Variants in TMEM178B observed in about 807,000 individuals in gnomAD.
The protein encoded by TMEM178B is transmembrane protein 178B.
A neutral mutation model predicts 31.0 loss-of-function variants in TMEM178B; 5 were observed. The ratio of observed to expected loss-of-function variants is 0.16; its 90% confidence interval spans 0.08 to 0.34. The LOEUF is 0.34. Ranked by LOEUF, TMEM178B falls within the 10% of genes least tolerant of loss-of-function variation. The probability of loss-of-function intolerance (pLI) is 1.00; values close to 1 mark genes in which losing one functional copy is unlikely to be tolerated. For missense variants in TMEM178B, 275 were observed against 400.3 expected (o/e 0.69, Z 2.67); for synonymous variants, 164 against 164.0 (o/e 1.00, Z 0.00).
chr7:141,294,101 T>C (rs924580202), intron 2 of TMEM178B, among the ~76,000 whole-genome samples: 1 of 152,132 alleles, frequency 6.6e-6, no homozygotes, highest in African/African-American at 2.4e-5. Context: ...TGGTAAGGGA[T>C]GTTGGGCCAG....
chr7:141,083,094 A>G (rs936516702), intron 1 of TMEM178B, among the ~76,000 whole-genome samples: 2 of 152,130 alleles, frequency 1.3e-5, no homozygotes, highest in Non-Finnish European at 2.9e-5. Flanking sequence ...TCATACACAG[A>G]CACGCACACC....
chr7:141,262,217 T>G (rs1163728807), intron 2 of TMEM178B, among the ~76,000 whole-genome samples: 3 of 152,170 alleles, frequency 2.0e-5, no homozygotes, highest in Non-Finnish European at 2.9e-5. Flanking sequence ...CATACTTCTC[T>G]GGGCTCAGCA....
rs533792715 is a variant in TMEM178B at position 141,101,496 on chromosome 7, T to C, written c.382+26804T>C. ...TCTCTGGTACAGGTTAAGACGCCCT[T>C]GTGGACACACAGTGTGTTAAGCTAC... is the stretch of plus-strand genomic sequence containing the variant. On this transcript the variant is annotated intron_variant, in intron 1 of 3. Transcript: ENST00000565468. Among the ~76,000 whole-genome samples, 16 of 152,346 alleles carry C rather than the reference T, an allele frequency of 1.1e-4. No individual in the cohort carries two copies. The South Asian group carries it at 1.4e-3, about 14-fold the overall frequency.
chr7:141,244,386 G>A (rs1797692517), intron 2 of TMEM178B, among the ~76,000 whole-genome samples: 1 of 152,200 alleles, frequency 6.6e-6, no homozygotes, highest in East Asian at 1.9e-4. Context: ...GAGCCTTGAA[G>A]GTAGCTATGA....
intron 2 of TMEM178B, among the ~76,000 whole-genome samples, chr7:141,367,593 G>A (rs1385663171): frequency 6.6e-6 from 1 of 152,138 alleles, no homozygotes; most frequent in Non-Finnish European, 1.5e-5. Context: ...CTCCTGTTAG[G>A]ACCCAGGCAT....
intron 1 of TMEM178B, among the ~76,000 whole-genome samples, chr7:141,138,867 C>T (rs1795719872): frequency 6.6e-6 from 1 of 151,842 alleles, no homozygotes; most frequent in African/African-American, 2.4e-5. Context: ...GCCTGTAATC[C>T]CAGCTACTCG....
At chr7:141,447,599 T>C (rs1801783880) in intron 3 of TMEM178B, among the ~76,000 whole-genome samples, 1 of 152,124 alleles carries the variant, frequency 6.6e-6, no homozygotes, top group South Asian at 2.1e-4. Flanking sequence ...GCTTCTTTCC[T>C]GGGCAATCAT....
intron 2 of TMEM178B, among the ~76,000 whole-genome samples, chr7:141,436,514 G>A (rs556522664): frequency 1.2e-4 from 19 of 152,162 alleles, no homozygotes; most frequent in Non-Finnish European, 2.8e-4. Flanking sequence ...TGGAGAGAGG[G>A]CCCAGGGAGC....
chr7:141,257,209 C>A (rs1797941896), intron 2 of TMEM178B, among the ~76,000 whole-genome samples: 1 of 152,212 alleles, frequency 6.6e-6, no homozygotes, highest in African/African-American at 2.4e-5. Flanking sequence ...TCAACTCTTT[C>A]AAATGTAGTG....
At chr7:141,109,703 T>G (rs1795204293) in intron 1 of TMEM178B, among the ~76,000 whole-genome samples, 2 of 152,010 alleles carry the variant, frequency 1.3e-5, no homozygotes, top group African/African-American at 4.8e-5. Context: ...AGTCCCATGG[T>G]GAAGGTAGTT....
intron 2 of TMEM178B, among the ~76,000 whole-genome samples, chr7:141,225,868 C>T (rs1018223432): frequency 2.6e-5 from 4 of 152,156 alleles, no homozygotes; most frequent in Non-Finnish European, 5.9e-5. Context: ...AAGGGACATC[C>T]AGTGTCCTTG....
intron 1 of TMEM178B, among the ~76,000 whole-genome samples, chr7:141,133,339 G>T (rs1402747007): frequency 7.9e-5 from 12 of 151,918 alleles, no homozygotes. Flanking sequence ...ACAGAGAAAT[G>T]GGGAAAACAA....
At chr7:141,191,136 A>G (rs770596021) in intron 1 of TMEM178B, among the ~76,000 whole-genome samples, 22 of 152,216 alleles carry the variant, frequency 1.4e-4, no homozygotes, top group Non-Finnish European at 2.4e-4. Context: ...CGTATATATT[A>G]CACCTTGCTT....
intron 1 of TMEM178B, among the ~76,000 whole-genome samples, chr7:141,203,933 G>T (rs1796920393): frequency 6.6e-6 from 1 of 152,238 alleles, no homozygotes; most frequent in South Asian, 2.1e-4. Flanking sequence ...CTATCCCTTT[G>T]CCTGTAGATG....
intron 2 of TMEM178B, among the ~76,000 whole-genome samples, chr7:141,223,430 C>A (rs1415579155): frequency 2.6e-5 from 4 of 150,952 alleles, no homozygotes; most frequent in East Asian, 1.9e-4. Context: ...GAGAGGAGAA[C>A]CCCTTCCTTT....
chr7:141,487,727 G>GTT, the TMEM178B span, among the ~76,000 whole-genome samples: 1 of 101,190 alleles, frequency 9.9e-6, no homozygotes. Context: ...GGTGATTAGA[G>GTT]TAAGACTCCG....
chr7:141,372,327 G>A (rs1053982422), intron 2 of TMEM178B, among the ~76,000 whole-genome samples: 3 of 151,996 alleles, frequency 2.0e-5, no homozygotes, highest in African/African-American at 2.4e-5. Flanking sequence ...GTCTCTGCTC[G>A]GGACACACAG....
At chr7:141,467,037 C>G (rs1273724239) in intron 3 of TMEM178B, among the ~76,000 whole-genome samples, 2 of 152,064 alleles carry the variant, frequency 1.3e-5, no homozygotes, top group African/African-American at 2.4e-5. Context: ...CTCTCCTGCC[C>G]CTGCTTCCAC....
intron 1 of TMEM178B, among the ~76,000 whole-genome samples, chr7:141,185,008 C>T (rs537556370): frequency 8.5e-5 from 13 of 152,316 alleles, no homozygotes; most frequent in South Asian, 4.1e-4. Context: ...GCAGTTGAAA[C>T]GGGAAAAGTT....
Sources: gnomAD v4.1 joint callset for allele counts (sites outside exome capture counted in the v4.1 genomes callset) on GRCh38, gnomAD v4.1.1 for gene constraint, MANE v1.5 for transcripts, NCBI Gene and HGNC (gene_info 2026-07-23, HGNC 2026-07-21) for gene names.